KIF21A: variants seen among roughly 807,000 people sequenced by gnomAD.
KIF21A encodes kinesin family member 21A.
KIF21A carries 114 observed loss-of-function variants against 202.9 expected under a neutral mutation model. The observed-to-expected ratio is 0.56, with a 90% confidence interval of 0.48 to 0.66. The LOEUF is 0.66. Ranked by LOEUF, KIF21A falls within the 30% of genes least tolerant of loss-of-function variation. KIF21A has a pLI of 0.00. For synonymous variants in KIF21A, 667 were observed against 670.8 expected, an observed-to-expected ratio of 0.99 and a Z score of 0.09; for missense variants, 1,677 against 1,994.9, an observed-to-expected ratio of 0.84 and a Z score of 3.04.
chr12:39,358,129 G>C, intron 8 of KIF21A, 49 bp downstream of exon 8: 1 of 1,491,050 alleles, frequency 6.7e-7, no homozygotes, highest in Non-Finnish European at 9.4e-7. Context: ...TTCAGAAAGT[G>C]CCAGCCTTAG....
chr12:39,438,466 G>C (rs1034030908), intron 1 of KIF21A, among the ~76,000 whole-genome samples: 5 of 152,126 alleles, frequency 3.3e-5, no homozygotes, highest in Non-Finnish European at 5.9e-5. Context: ...AAAGTATAGT[G>C]AGCTCACATT....
intron 24 of KIF21A, among the ~76,000 whole-genome samples, chr12:39,328,836 T>C (rs1160056706): frequency 6.6e-6 from 1 of 152,236 alleles, no homozygotes; most frequent in Non-Finnish European, 1.5e-5. Context: ...CTTCACTATG[T>C]TTTAGCTTAA....
At chr12:39,327,980 C>T (rs1406482079) in intron 24 of KIF21A, among the ~76,000 whole-genome samples, 5 of 152,148 alleles carry the variant, frequency 3.3e-5, no homozygotes, top group Admixed American at 6.5e-5. Flanking sequence ...AAAAGTCTTC[C>T]TTTAAAGTTA....
intron 1 of KIF21A, among the ~76,000 whole-genome samples, chr12:39,422,719 C>T (rs1954406302): frequency 6.6e-6 from 1 of 152,182 alleles, no homozygotes; most frequent in Non-Finnish European, 1.5e-5. Context: ...AACTACTGTT[C>T]ACCAAAGTCT....
intron 7 of KIF21A, 30 bp from the exon 8 acceptor site, chr12:39,358,403 C>T (rs765854137): frequency 1.3e-6 from 2 of 1,565,624 alleles, no homozygotes; most frequent in Non-Finnish European, 1.8e-6. Flanking sequence ...GTTAGGCTTA[C>T]ACATAAAAGC....
intron 17 of KIF21A, among the ~76,000 whole-genome samples, chr12:39,336,516 T>C (rs1946985925): frequency 6.6e-6 from 1 of 152,204 alleles, no homozygotes; most frequent in African/African-American, 2.4e-5. Context: ...CCATTCCTCC[T>C]ACTGTCAGGG....
chr12:39,296,136 T>C (rs1942335866), intron 37 of KIF21A, among the ~76,000 whole-genome samples: 1 of 150,720 alleles, frequency 6.6e-6, no homozygotes, highest in Non-Finnish European at 1.5e-5. Flanking sequence ...TGGCTAGATC[T>C]TGGCTCACTG....
At chr12:39,425,271 A>G (rs533634032) in intron 1 of KIF21A, among the ~76,000 whole-genome samples, 8 of 152,260 alleles carry the variant, frequency 5.3e-5, no homozygotes, top group South Asian at 2.1e-4. Flanking sequence ...TCCTCACCCA[A>G]TGCTCAGCTC....
Position 39,315,960 on chromosome 12 carries a change from T to C in KIF21A, c.3919A>G (p.Ser1307Gly). The C allele has an allele frequency of 6.2e-7, 1 of 1,603,296 alleles. No individual in the cohort carries two copies. The highest frequency in any genetic ancestry group is 1.3e-5 in the African/African-American group (1 of 74,634). The stretch of plus-strand genomic sequence containing the variant: ...TGTACCTCCGAGAGAGAGGAGTCAC[T>C]TTCATCAGACCTATAGTGAAAGAGT... ...TSVQQDKSDE[S>G]DSSLSEVHRS... The change falls in exon 30 of 38, where the codon AGT becomes GGT. Residue 1307 changes from serine (S) to glycine (G), a missense_variant. Coordinates refer to ENST00000361418, the MANE Select transcript of KIF21A (RefSeq NM_001173464.2).
intron 1 of KIF21A, among the ~76,000 whole-genome samples, chr12:39,372,920 A>G (rs933644861): frequency 1.3e-5 from 2 of 152,242 alleles, no homozygotes; most frequent in Admixed American, 1.3e-4. Flanking sequence ...CCTCTTCCCT[A>G]TTCCACCTAT....
chr12:39,308,082 C>T lies in KIF21A; in HGVS notation c.4278-353G>A, dbSNP rs746049109. On this transcript the variant is annotated intron_variant, in intron 33 of 37. Transcript: ENST00000361418. ...TTAATGTTAAACATAAAAAAATCAA[C>T]AAATGCCTGGGTGTAGTGGCTCACT... Among the ~76,000 whole-genome samples, 26 of 151,770 alleles carry T rather than the reference C, an allele frequency of 1.7e-4. No homozygotes were observed. In the South Asian group the frequency reaches 2.3e-3, roughly 13 times the overall value.
chr12:39,298,918 T>A (rs1942682052), intron 37 of KIF21A, among the ~76,000 whole-genome samples: 1 of 152,172 alleles, frequency 6.6e-6, no homozygotes, highest in Non-Finnish European at 1.5e-5. Flanking sequence ...CTAGAGTTAT[T>A]CTAAGGACTA....
intron 1 of KIF21A, among the ~76,000 whole-genome samples, chr12:39,407,404 T>C (rs1952681627): frequency 6.6e-6 from 1 of 152,188 alleles, no homozygotes; most frequent in South Asian, 2.1e-4. Flanking sequence ...TTCCTCATTC[T>C]CTCCTGTACC....
At chr12:39,325,040 T>A (rs2137859660) in intron 26 of KIF21A, among the ~76,000 whole-genome samples, 1 of 152,360 alleles carries the variant, frequency 6.6e-6, no homozygotes. Context: ...TATCATTTTT[T>A]AAAACCCTAC....
chr12:39,311,555 T>C lies in KIF21A; in HGVS notation c.3960-2A>G. 1.2e-6 allele frequency: 2 copies of C among 1,612,584 alleles called. No individual in the cohort carries two copies. Among genetic ancestry groups the C allele is most frequent in the Non-Finnish European group, 1.7e-6 (2 of 1,178,898 alleles). ...GCAGGAAATGGGTTGATTATGCCCC[T>C]AAGGTGGGGAAAAAACAAACAAACC... On this transcript the variant is annotated splice_acceptor_variant, in intron 31 of 37. Transcript: ENST00000361418. LOFTEE classifies it high-confidence loss of function.
chr12:39,301,921 T>C (rs1402246880), intron 36 of KIF21A, among the ~76,000 whole-genome samples: 1 of 152,206 alleles, frequency 6.6e-6, no homozygotes, highest in African/African-American at 2.4e-5. Context: ...ATCTACAGAA[T>C]GTAAAAGACC....
chr12:39,382,910 G>A (rs1298426013), intron 1 of KIF21A, among the ~76,000 whole-genome samples: 1 of 152,122 alleles, frequency 6.6e-6, no homozygotes, highest in Non-Finnish European at 1.5e-5. Flanking sequence ...TAGAAAGCTA[G>A]CCGAATGTCA....
chr12:39,332,309 T>C lies in KIF21A; in HGVS notation c.2956A>G (p.Asn986Asp). The change falls in exon 21 of 38, where the codon AAT (asparagine) becomes GAT (aspartate). Residue 986 changes from asparagine to aspartate, a missense_variant. Asn to Asp is a conservative substitution (Grantham distance 23). Coordinates refer to ENST00000361418, the MANE Select transcript of KIF21A (RefSeq NM_001173464.2). ...GCAGTCAGTGACTCCATCTCTTCAT[T>C]GATATTAGCCACATTTTTATCTCCC... ...GEGDKNVANI[N>D]EEMESLTANI... is the part of the protein sequence containing the mutation. 6 of 1,613,572 alleles carry C rather than the reference T, an allele frequency of 3.7e-6. No homozygotes were observed. Among genetic ancestry groups the C allele is most frequent in the Non-Finnish European group, 5.1e-6 (6 of 1,179,544 alleles).
intron 1 of KIF21A, among the ~76,000 whole-genome samples, chr12:39,416,766 TATATATATGTAC>T: frequency 1.1e-5 from 1 of 88,454 alleles, no homozygotes; most frequent in Non-Finnish European, 2.2e-5. Flanking sequence ...TATATGTGTA[TATATATATGTAC>T]ATATATATGT....
Sources: allele counts gnomAD v4.1 joint callset (sites outside exome capture counted in the v4.1 genomes callset), GRCh38; gene constraint gnomAD v4.1.1; transcripts MANE v1.5; gene names NCBI Gene and HGNC (gene_info 2026-07-23, HGNC 2026-07-21).